KDM4B: variants seen among roughly 807,000 people sequenced by gnomAD.
KDM4B encodes lysine-specific demethylase 4B.
KDM4B carries 32 observed loss-of-function variants against 125.2 expected under a neutral mutation model. The ratio of observed to expected loss-of-function variants is 0.26; its 90% CI spans 0.19 to 0.34. The LOEUF is 0.34. Ranked by LOEUF, KDM4B falls within the 10% of genes least tolerant of loss-of-function variation. The probability of loss-of-function intolerance (pLI) is 1.00; values close to 1 mark genes in which losing one functional copy is unlikely to be tolerated. For synonymous variants in KDM4B, 721 were observed against 677.9 expected, an observed-to-expected ratio of 1.06 and a Z score of -0.99; for missense variants, 1,190 against 1,577.7, an observed-to-expected ratio of 0.75 and a Z score of 4.16.
At position 5,035,535 on chromosome 19, in the gene KDM4B, G is replaced by A. The variant is rs10403949; in HGVS notation, c.141+2504G>A. 0.18 allele frequency among the ~76,000 whole-genome samples: 27,595 copies of A among 151,812 alleles called. 2,971 individuals carry two copies. The highest frequency in any genetic ancestry group is 0.37 in the Middle Eastern group (108 of 294). ...GTTCCCGGGTGGCCTGTCCTCCCCC[G>A]CGCTGGCACCTCCGCTTCGTCCCTC... On this transcript the variant is annotated intron_variant, in intron 3 of 22. Coordinates refer to ENST00000159111, the MANE Select transcript of KDM4B (RefSeq NM_015015.3). The surrounding 1 kb of genome is among the most constrained non-coding windows in gnomAD (Gnocchi z 5.3).
chr19:5,118,124 T>G (rs2039292444), intron 10 of KDM4B, among the ~76,000 whole-genome samples: 1 of 152,216 alleles, frequency 6.6e-6, no homozygotes, highest in South Asian at 2.1e-4. Context: ...GAGGTCCTGG[T>G]AACAGAAGCC....
At chr19:5,062,361 G>A (rs1325229866) in intron 6 of KDM4B, among the ~76,000 whole-genome samples, 1 of 152,196 alleles carries the variant, frequency 6.6e-6, no homozygotes, top group Non-Finnish European at 1.5e-5. Flanking sequence ...GGTGGCCATC[G>A]GTAGCATGCC....
chr19:5,083,441 T>G (rs2038367869), intron 9 of KDM4B, among the ~76,000 whole-genome samples: 1 of 152,152 alleles, frequency 6.6e-6, no homozygotes, highest in South Asian at 2.1e-4. Flanking sequence ...GGGAAGCAGC[T>G]AGGAGGCCGT....
At chr19:5,058,753 G>A (rs896616341) in intron 6 of KDM4B, among the ~76,000 whole-genome samples, 2 of 152,220 alleles carry the variant, frequency 1.3e-5, no homozygotes, top group African/African-American at 2.4e-5. Context: ...CAAAGCGGGC[G>A]CTTCGGGTTG....
At chr19:5,020,394 C>G (rs1251199718) in intron 2 of KDM4B, among the ~76,000 whole-genome samples, 3 of 151,958 alleles carry the variant, frequency 2.0e-5, no homozygotes, top group Non-Finnish European at 4.4e-5. Flanking sequence ...TCCCTTGGGC[C>G]GACACATGGG....
At chr19:5,107,646 G>A (rs1209790162) in intron 9 of KDM4B, among the ~76,000 whole-genome samples, 1 of 152,224 alleles carries the variant, frequency 6.6e-6, no homozygotes, top group Non-Finnish European at 1.5e-5. Context: ...CCTTTTCATG[G>A]GCACGTGGCT....
chr19:5,001,558 A>G (rs949393961), intron 1 of KDM4B, among the ~76,000 whole-genome samples: 1 of 152,150 alleles, frequency 6.6e-6, no homozygotes, highest in African/African-American at 2.4e-5. Context: ...CCTGGTGTAT[A>G]TGGATTTTCA....
chr19:5,131,856 G>A (rs372243481), intron 12 of KDM4B, 31 bp from the exon 13 acceptor site: 6 of 1,612,542 alleles, frequency 3.7e-6, no homozygotes, highest in Non-Finnish European at 5.1e-6. Flanking sequence ...TCTGTAGCGG[G>A]GCCCTCACTA....
rs1452265328 is a variant in KDM4B at position 5,032,910 on chromosome 19, G to A, written c.20G>A (p.Gly7Asp). MGSEDH[G>D]AQNPSCKIMT... ...GCAGCCATGGGGTCTGAGGACCACG[G>A]CGCCCAGAACCCCAGCTGTAAAATC... Residue 7 changes from glycine (G) to aspartate (D), a missense_variant, in exon 3 of 23, where the codon GGC (glycine) becomes GAC (aspartate). Physicochemically the swap from Gly to Asp is moderately conservative, Grantham distance 94. Around this residue, in one of 7 missense-constraint regions of KDM4B, gnomAD observed 139 missense variants for 248.3 expected, o/e 0.56. Coordinates refer to ENST00000159111, the MANE Select transcript of KDM4B (RefSeq NM_015015.3). 6 of 1,614,164 alleles carry A rather than the reference G, an allele frequency of 3.7e-6. No homozygotes were observed. The East Asian group carries it at 1.3e-4, about 36-fold the overall frequency.
intron 1 of KDM4B, among the ~76,000 whole-genome samples, chr19:4,984,493 G>A (rs901165193): frequency 2.6e-5 from 4 of 152,078 alleles, no homozygotes; most frequent in South Asian, 2.1e-4. Flanking sequence ...GGAAGCAGGC[G>A]TGGGGGTTTC....
chr19:5,132,616 GAC>G (rs2039578408), intron 13 of KDM4B, among the ~76,000 whole-genome samples: 1 of 152,152 alleles, frequency 6.6e-6, no homozygotes, highest in Non-Finnish European at 1.5e-5. Context: ...TCGGCACGGG[GAC>G]AGAGGAATGA....
At chr19:4,992,206 C>T (rs1431563645) in intron 1 of KDM4B, among the ~76,000 whole-genome samples, 3 of 152,062 alleles carry the variant, frequency 2.0e-5, no homozygotes, top group Admixed American at 6.6e-5. Flanking sequence ...CATTTACCTT[C>T]GACAGTTTTA....
In KDM4B at chr19:5,035,073, C is replaced by T. The variant is rs939730563; in HGVS notation, c.141+2042C>T. On this transcript the variant is annotated intron_variant, in intron 3 of 22. Coordinates refer to ENST00000159111, the MANE Select transcript of KDM4B (RefSeq NM_015015.3). This position sits in a 1 kb window ranked among gnomAD's most constrained non-coding sequence, Gnocchi z 5.3. The stretch of plus-strand genomic sequence containing the variant: ...AGAACGGTGGGGGCTGCTGCCGTCC[C>T]GGCTTCAGTTCTGTCTTTAAAAGGC... Among the ~76,000 whole-genome samples the T allele has an allele frequency of 3.3e-5, 5 of 152,150 alleles. No homozygotes were observed. The highest frequency in any genetic ancestry group is 1.3e-4 in the Admixed American group (2 of 15,282).
chr19:5,033,033 T>C lies in KDM4B; in HGVS notation c.141+2T>C. The C allele has an allele frequency of 6.2e-7, 1 of 1,613,070 alleles. No individual in the cohort carries two copies. The highest frequency in any genetic ancestry group is 8.5e-7 in the Non-Finnish European group (1 of 1,179,722). ...GCCCACCGGGCGGGCCTGGCCAAGG[T>C]GGGTGACATCCTGGCCCCAGCGCGG... On this transcript the variant is annotated splice_donor_variant, in intron 3 of 22. Coordinates refer to ENST00000159111, the MANE Select transcript of KDM4B (RefSeq NM_015015.3). LOFTEE classifies it high-confidence loss of function.
At chr19:5,108,287 T>C (rs551991641) in intron 9 of KDM4B, among the ~76,000 whole-genome samples, 1 of 152,320 alleles carries the variant, frequency 6.6e-6, no homozygotes, top group East Asian at 1.9e-4. Context: ...ACCATCTGTG[T>C]TCCTGCCACT....
chr19:5,064,275 G>T (rs748540552), intron 6 of KDM4B, among the ~76,000 whole-genome samples: 18 of 152,352 alleles, frequency 1.2e-4, no homozygotes, highest in South Asian at 2.1e-4. Flanking sequence ...AGCGTGACGT[G>T]CACGGGCTCT....
At position 5,030,457 on chromosome 19, in the gene KDM4B, C is replaced by T. The variant is rs1907920134; in HGVS notation, c.-25-2409C>T. Among the ~76,000 whole-genome samples, 6 of 152,192 alleles carry T rather than the reference C, an allele frequency of 3.9e-5. No individual in the cohort carries two copies. The South Asian group carries it at 1.2e-3, about 31-fold the overall frequency. The stretch of plus-strand genomic sequence containing the variant: ...GGCTTTGATGACCTGGAGGTCAGAG[C>T]CTGCAGAGGGGGGTGGGCCAGCCCC... On this transcript the variant is annotated intron_variant, in intron 2 of 22. Transcript: ENST00000159111.
intron 6 of KDM4B, among the ~76,000 whole-genome samples, chr19:5,067,341 C>T (rs139223447): frequency 2.6e-5 from 4 of 152,310 alleles, no homozygotes; most frequent in Admixed American, 6.5e-5. Flanking sequence ...TTTGTCTTGA[C>T]CTCTTCAGCT....
At chr19:5,101,244 T>C (rs1056489126) in intron 9 of KDM4B, among the ~76,000 whole-genome samples, 18 of 148,958 alleles carry the variant, frequency 1.2e-4, no homozygotes, top group Admixed American at 1.2e-3. Flanking sequence ...AAAAAAAATC[T>C]TCTCTGTCCT....
Sources: gnomAD v4.1 joint callset for allele counts (sites outside exome capture counted in the v4.1 genomes callset) on GRCh38, gnomAD v4.1.1 for gene constraint, gnomAD v4.1.1 regional missense constraint, Gnocchi (gnomAD v3.1) non-coding constraint, MANE v1.5 for transcripts, NCBI Gene and HGNC (gene_info 2026-07-23, HGNC 2026-07-21) for gene names.